Variants in SDK1 observed in about 807,000 individuals in gnomAD.
SDK1 encodes protein sidekick-1.
A neutral mutation model predicts 245.5 loss-of-function variants in SDK1; 157 were observed. The observed-to-expected ratio is 0.64, with a 90% CI of 0.56 to 0.73. SDK1 has a LOEUF of 0.73. SDK1 is among the 30% of genes least tolerant of loss of function. The probability of loss-of-function intolerance (pLI) is 0.00; values close to 1 mark genes in which losing one functional copy is unlikely to be tolerated. For synonymous variants in SDK1, 1,647 were observed against 1,278.5 expected (o/e 1.29, Z -6.15); for missense variants, 3,583 against 3,002.3 (o/e 1.19, Z -4.52).
intron 1 of SDK1, among the ~76,000 whole-genome samples, chr7:3,571,211 A>G (rs969401863): frequency 6.6e-6 from 1 of 152,038 alleles, no homozygotes; most frequent in African/African-American, 2.4e-5. Flanking sequence ...AACTTATCCT[A>G]GCTATTTGAT....
intron 1 of SDK1, among the ~76,000 whole-genome samples, chr7:3,388,955 C>T (rs953159893): frequency 2.6e-5 from 4 of 152,090 alleles, no homozygotes; most frequent in African/African-American, 9.7e-5. Context: ...TAATAGCAGC[C>T]GTGATACCTG....
At chr7:4,244,722 C>T (rs979105840) in intron 43 of SDK1, among the ~76,000 whole-genome samples, 3 of 151,910 alleles carry the variant, frequency 2.0e-5, no homozygotes, top group African/African-American at 7.3e-5. Flanking sequence ...TGTAGATGGG[C>T]TGTGTTCTCA....
At position 3,490,629 on chromosome 7, in the gene SDK1, A is replaced by G. The variant is rs547811303; in HGVS notation, c.299-128451A>G. On this transcript the variant is annotated intron_variant, in intron 1 of 44. Coordinates refer to ENST00000404826, the MANE Select transcript of SDK1 (RefSeq NM_152744.4). The stretch of plus-strand genomic sequence containing the variant: ...CAAGGATAGAATTCAGTATGAACAC[A>G]TGAAGACCTGCATGCTTAAACAGAC... 4.5e-4 allele frequency among the ~76,000 whole-genome samples: 68 copies of G among 152,356 alleles called. 1 individual carries two copies. The highest frequency in any genetic ancestry group is 5.3e-4 in the Non-Finnish European group (36 of 68,026).
At chr7:3,920,790 C>T (rs1779559579) in intron 5 of SDK1, among the ~76,000 whole-genome samples, 1 of 152,068 alleles carries the variant, frequency 6.6e-6, no homozygotes, top group African/African-American at 2.4e-5. Flanking sequence ...GGATAAATAA[C>T]AATAGATGGC....
intron 4 of SDK1, among the ~76,000 whole-genome samples, chr7:3,755,370 T>C (rs893801889): frequency 2.0e-5 from 3 of 152,200 alleles, no homozygotes; most frequent in East Asian, 1.9e-4. Flanking sequence ...GGTTGTGTTT[T>C]GGCTTCCTGG....
intron 19 of SDK1, among the ~76,000 whole-genome samples, chr7:4,061,829 G>T (rs1779561556): frequency 6.6e-6 from 1 of 151,928 alleles, no homozygotes; most frequent in African/African-American, 2.4e-5. Context: ...CATGTCCTTT[G>T]TAGGGACATG....
chr7:3,407,465 T>A (rs1318255387), intron 1 of SDK1, among the ~76,000 whole-genome samples: 2 of 152,094 alleles, frequency 1.3e-5, no homozygotes, highest in Middle Eastern at 3.2e-3. Context: ...CCTGCTTTAA[T>A]CTCTGCAATT....
chr7:3,445,731 C>T (rs1003701880), intron 1 of SDK1, among the ~76,000 whole-genome samples: 1 of 152,140 alleles, frequency 6.6e-6, no homozygotes, highest in South Asian at 2.1e-4. Context: ...CATATTTCTT[C>T]TACACACATT....
intron 2 of SDK1, among the ~76,000 whole-genome samples, chr7:3,633,206 T>C (rs1782351058): frequency 6.6e-6 from 1 of 152,178 alleles, no homozygotes; most frequent in South Asian, 2.1e-4. Flanking sequence ...TTGTGGAGAA[T>C]AGTCTTATCT....
At chr7:3,332,846 G>T (rs1780104053) in intron 1 of SDK1, among the ~76,000 whole-genome samples, 1 of 152,124 alleles carries the variant, frequency 6.6e-6, no homozygotes, top group African/African-American at 2.4e-5. Context: ...TTCTCATTAT[G>T]TTAAATTTTA....
rs552480742 is a variant in SDK1 at position 3,745,994 on chromosome 7, T to A, written c.714-75456T>A. ...TCTGGGAAATCACTTAACCTCTCTG[T>A]AGAGGTTTCCCTCATCTGTAAAGCA... On this transcript the variant is annotated intron_variant, in intron 4 of 44. Transcript: ENST00000404826. 6.6e-5 allele frequency among the ~76,000 whole-genome samples: 10 copies of A among 152,328 alleles called. No homozygotes were observed. The South Asian group carries it at 2.1e-3, about 32-fold the overall frequency.
At chr7:3,974,595 C>A in intron 13 of SDK1, 50 bp downstream of exon 13, 1 of 1,562,950 alleles carries the variant, frequency 6.4e-7, no homozygotes, top group Non-Finnish European at 8.8e-7. Flanking sequence ...TTCTCCGTTA[C>A]TGTGCCCCTG....
intron 1 of SDK1, among the ~76,000 whole-genome samples, chr7:3,358,090 C>T (rs62437707): frequency 3.3e-5 from 5 of 152,148 alleles, no homozygotes; most frequent in East Asian, 1.9e-4. Flanking sequence ...GACAGGATCT[C>T]GGCTCACTGC....
rs150736283 is a variant in SDK1 at position 3,961,016 on chromosome 7, A to G, written c.1235-1641A>G. Among the ~76,000 whole-genome samples the G allele has an allele frequency of 1.1e-4, 17 of 152,342 alleles. No homozygotes were observed. In the East Asian group the frequency reaches 3.1e-3, roughly 28 times the overall value. On this transcript the variant is annotated intron_variant, in intron 8 of 44. Coordinates refer to ENST00000404826, the MANE Select transcript of SDK1 (RefSeq NM_152744.4). ...TGTACTAACAATTATTTTTCAACAA[A>G]TGACAATCTTAAACTCCCTTTGACA...
At position 4,013,239 on chromosome 7, in the gene SDK1, A is replaced by G. The variant is rs574881944; in HGVS notation, c.2420+1004A>G. 1.7e-4 allele frequency among the ~76,000 whole-genome samples: 26 copies of G among 152,382 alleles called. No homozygotes were observed. In the South Asian group the frequency reaches 5.4e-3, roughly 32 times the overall value. ...TGAACTTGTCTGTGTTTGAGAGAAG[A>G]AACCTCCTTTGCCAAAACTGCTAAT... On this transcript the variant is annotated intron_variant, in intron 16 of 44. Transcript: ENST00000404826.
At chr7:3,817,932 A>G (rs970672593) in intron 4 of SDK1, among the ~76,000 whole-genome samples, 5 of 152,220 alleles carry the variant, frequency 3.3e-5, no homozygotes, top group African/African-American at 4.8e-5. Flanking sequence ...AGTCTCAGCA[A>G]TGAAAAGCAA....
At chr7:4,227,340 G>A (rs951443325) in intron 40 of SDK1, 3 of 469,256 alleles carry the variant, frequency 6.4e-6, no homozygotes, top group Non-Finnish European at 1.3e-5. Context: ...CCCTTCCTGG[G>A]ATCAGCCTGC....
intron 1 of SDK1, among the ~76,000 whole-genome samples, chr7:3,491,941 G>A (rs1243511390): frequency 6.6e-6 from 1 of 152,126 alleles, no homozygotes; most frequent in Non-Finnish European, 1.5e-5. Context: ...CTGATACAGT[G>A]AATACAGGTG....
intron 1 of SDK1, among the ~76,000 whole-genome samples, chr7:3,535,072 G>C (rs1000742893): frequency 6.6e-6 from 1 of 152,092 alleles, no homozygotes. Flanking sequence ...TCAGGAGTTC[G>C]AGACCAGCCT....
Sources: gnomAD v4.1 joint callset for allele counts (sites outside exome capture counted in the v4.1 genomes callset) on GRCh38, gnomAD v4.1.1 for gene constraint, MANE v1.5 for transcripts, NCBI Gene and HGNC (gene_info 2026-07-23, HGNC 2026-07-21) for gene names.